The following TMEM135 variants were observed in gnomAD, a reference collection of about 807,000 sequenced individuals.
TMEM135 encodes transmembrane protein 135.
A neutral mutation model predicts 60.3 loss-of-function variants in TMEM135; 30 were observed. The observed-to-expected ratio is 0.50, with a 90% confidence interval of 0.37 to 0.68. The LOEUF (loss-of-function observed/expected upper bound fraction) is 0.68. TMEM135 is among the 30% of genes least tolerant of loss of function. TMEM135 has a pLI of 0.00. For synonymous variants in TMEM135, 190 were observed against 186.7 expected (o/e 1.02, Z -0.14); for missense variants, 468 against 548.8 (o/e 0.85, Z 1.47).
chr11:87,071,543 A>G lies in TMEM135; in HGVS notation c.290A>G (p.Tyr97Cys). Reference protein sequence around the residue: ...CILRKILGKFYSWTPGFGAAL... With the variant: ...CILRKILGKFCSWTPGFGAAL... Reference sequence around the variant, plus strand: ...TTCAGGAAGATACTTGGAAAATTCTACTCATGGACTCCTGGCTTTGGTGCC... The same window carrying G: ...TTCAGGAAGATACTTGGAAAATTCTGCTCATGGACTCCTGGCTTTGGTGCC... The change falls in exon 3 of 15, where the codon TAC becomes TGC. Residue 97 changes from tyrosine (Y) to cysteine (C), a missense_variant. Coordinates refer to ENST00000305494, the MANE Select transcript of TMEM135 (RefSeq NM_022918.4). 6.2e-7 allele frequency: 1 copy of G among 1,613,894 alleles called. No individual in the cohort carries two copies. The highest frequency in any genetic ancestry group is 8.5e-7 in the Non-Finnish European group (1 of 1,179,946).
At chr11:87,172,044 AC>A (rs1321931686) in intron 5 of TMEM135, among the ~76,000 whole-genome samples, 1 of 151,932 alleles carries the variant, frequency 6.6e-6, no homozygotes, top group Non-Finnish European at 1.5e-5. Flanking sequence ...GGGGTTGGGA[AC>A]CCCTGTGCTT....
At chr11:87,249,892 G>T (rs1941375777) in intron 6 of TMEM135, among the ~76,000 whole-genome samples, 1 of 151,978 alleles carries the variant, frequency 6.6e-6, no homozygotes, top group South Asian at 2.1e-4. Context: ...ATTGGTATTA[G>T]TTCTTATAGT....
chr11:87,327,267 T>G lies in TMEM135; in HGVS notation c.*5934T>G, dbSNP rs1942927104. Reference sequence around the variant, plus strand: ...TTCTTTTTACCTCTTTTTCTCTTGTTCAAGGTATTAGTATTAGTCAGTAGG... The same window carrying G: ...TTCTTTTTACCTCTTTTTCTCTTGTGCAAGGTATTAGTATTAGTCAGTAGG... On this transcript the variant is annotated 3_prime_UTR_variant, in exon 15 of 15. Transcript: ENST00000305494. The G allele has an allele frequency of 2.2e-6, 1 of 453,958 alleles. No homozygotes were observed. Among genetic ancestry groups the G allele is most frequent in the Non-Finnish European group, 4.4e-6 (1 of 226,780 alleles). 28.1% of individuals were successfully genotyped at this position (453,958 alleles called of 1,614,324 possible).
At chr11:87,291,515 ATTTTTTTTTTTTTTTTTTT>A (rs869273724) in intron 6 of TMEM135, among the ~76,000 whole-genome samples, 14 of 50,570 alleles carry the variant, frequency 2.8e-4, no homozygotes, top group South Asian at 1.1e-3. Flanking sequence ...CAGCCAAGTG[ATTTTTTTTTTTTTTTTTTT>A]TTTTTTTTTT....
intron 6 of TMEM135, among the ~76,000 whole-genome samples, chr11:87,292,546 T>C (rs1942284583): frequency 6.6e-6 from 1 of 152,226 alleles, no homozygotes; most frequent in South Asian, 2.1e-4. Flanking sequence ...AATCTTTATA[T>C]TGTATTTTCA....
chr11:87,262,021 A>AGGG (rs1941661488), intron 6 of TMEM135, among the ~76,000 whole-genome samples: 1 of 152,168 alleles, frequency 6.6e-6, no homozygotes, highest in African/African-American at 2.4e-5. Flanking sequence ...TCTATTTAAT[A>AGGG]ATGCATCTTC....
intron 4 of TMEM135, among the ~76,000 whole-genome samples, chr11:87,094,462 G>A (rs1472312281): frequency 6.6e-6 from 1 of 152,118 alleles, no homozygotes; most frequent in East Asian, 1.9e-4. Flanking sequence ...CTCTGGATCT[G>A]GAGCTCCTCA....
chr11:87,130,414 C>G (rs981883558), intron 4 of TMEM135, among the ~76,000 whole-genome samples: 3 of 152,080 alleles, frequency 2.0e-5, no homozygotes, highest in African/African-American at 7.2e-5. Context: ...TAGGACATAC[C>G]TCTTTGAAAG....
intron 5 of TMEM135, among the ~76,000 whole-genome samples, chr11:87,224,320 T>A (rs559473364): frequency 1.3e-5 from 2 of 152,314 alleles, no homozygotes; most frequent in South Asian, 4.1e-4. Context: ...TGTAGTTTAG[T>A]GAAGTAGTGA....
chr11:87,070,484 A>G (rs542614312), intron 2 of TMEM135, among the ~76,000 whole-genome samples: 13 of 152,066 alleles, frequency 8.5e-5, no homozygotes, highest in Non-Finnish European at 1.9e-4. Context: ...AATACAAAAA[A>G]TTAGCCGGGC....
At chr11:87,106,245 A>C (rs1310974923) in intron 4 of TMEM135, among the ~76,000 whole-genome samples, 1 of 151,976 alleles carries the variant, frequency 6.6e-6, no homozygotes, top group Non-Finnish European at 1.5e-5. Flanking sequence ...CTGGGAATAG[A>C]GGTGCCTGCC....
chr11:87,093,310 G>A lies in TMEM135; in HGVS notation c.396+1915G>A, dbSNP rs75682506. Among the ~76,000 whole-genome samples the A allele has an allele frequency of 7.8e-3, 1,179 of 151,980 alleles. 16 individuals are homozygous for A. The highest frequency in any genetic ancestry group is 0.026 in the African/African-American group (1,067 of 41,464). On this transcript the variant is annotated intron_variant, in intron 4 of 14. Transcript: ENST00000305494. ...CTCACTACAGCTTGAACTCCTGGGCGCAAGCAATCCTCCTACCTCACCCTC... is the reference window on the plus strand; with the variant it reads ...CTCACTACAGCTTGAACTCCTGGGCACAAGCAATCCTCCTACCTCACCCTC...
chr11:87,074,541 A>C (rs955902352), intron 3 of TMEM135, among the ~76,000 whole-genome samples: 1 of 152,214 alleles, frequency 6.6e-6, no homozygotes, highest in Non-Finnish European at 1.5e-5. Flanking sequence ...TCAAATAATT[A>C]GATAGCATTT....
chr11:87,267,462 T>C (rs1043507405), intron 6 of TMEM135, among the ~76,000 whole-genome samples: 4 of 152,160 alleles, frequency 2.6e-5, no homozygotes, highest in Admixed American at 2.0e-4. Flanking sequence ...GGCTTTATTA[T>C]ATAGCAAAAG....
intron 4 of TMEM135, among the ~76,000 whole-genome samples, chr11:87,156,598 GT>G (rs893676478): frequency 1.1e-4 from 17 of 151,124 alleles, no homozygotes; most frequent in Non-Finnish European, 1.9e-4. Context: ...TTCCCTAGGA[GT>G]TTTTTTTTAT....
chr11:87,152,362 G>A (rs1457724973), intron 4 of TMEM135, among the ~76,000 whole-genome samples: 1 of 152,014 alleles, frequency 6.6e-6, no homozygotes, highest in Non-Finnish European at 1.5e-5. Flanking sequence ...TTAATGTAAT[G>A]GCTTTTCTTC....
chr11:87,162,788 A>G (rs1438634457), intron 5 of TMEM135, among the ~76,000 whole-genome samples: 1 of 152,230 alleles, frequency 6.6e-6, no homozygotes, highest in Non-Finnish European at 1.5e-5. Flanking sequence ...TCCTTAAGGA[A>G]TCGCCACACT....
chr11:87,066,973 G>C (rs1279606147), intron 1 of TMEM135, among the ~76,000 whole-genome samples: 1 of 151,090 alleles, frequency 6.6e-6, no homozygotes, highest in East Asian at 1.9e-4. Flanking sequence ...GGAGAGACAA[G>C]GTTTCACCAT....
chr11:87,109,929 G>A (rs2512351), intron 4 of TMEM135, among the ~76,000 whole-genome samples: 83,426 of 151,908 alleles, frequency 0.55, 23,743 homozygotes, highest in East Asian at 0.71. Flanking sequence ...CCATATATGA[G>A]TAAATGTTAT....
Sources: gnomAD v4.1 joint callset for allele counts (sites outside exome capture counted in the v4.1 genomes callset) on GRCh38, gnomAD v4.1.1 for gene constraint, MANE v1.5 for transcripts, NCBI Gene and HGNC (gene_info 2026-07-23, HGNC 2026-07-21) for gene names.